PARD3B: variants seen among roughly 807,000 people sequenced by gnomAD.
PARD3B encodes par-3 family cell polarity regulator beta.
Under a neutral mutation model 130.2 loss-of-function variants are expected in PARD3B, and 103 were observed. The ratio of observed to expected loss-of-function variants is 0.79; its 90% CI spans 0.67 to 0.93. PARD3B has a LOEUF of 0.93. PARD3B is among the 40% of genes least tolerant of loss of function. The probability of loss-of-function intolerance (pLI) is 0.00; values close to 1 mark genes in which losing one functional copy is unlikely to be tolerated. For synonymous variants in PARD3B, 583 were observed against 553.2 expected, an observed-to-expected ratio of 1.05 and a Z score of -0.76; for missense variants, 1,609 against 1,499.2, an observed-to-expected ratio of 1.07 and a Z score of -1.21.
At chr2:204,960,264 C>T (rs1271485161) in intron 2 of PARD3B, among the ~76,000 whole-genome samples, 1 of 152,094 alleles carries the variant, frequency 6.6e-6, no homozygotes, top group Admixed American at 6.5e-5. Flanking sequence ...TGAGGGAGTG[C>T]CTGGGACAGA....
chr2:204,804,164 G>A (rs1167188537), intron 2 of PARD3B, among the ~76,000 whole-genome samples: 2 of 152,172 alleles, frequency 1.3e-5, no homozygotes, highest in Admixed American at 6.5e-5. Flanking sequence ...ATGAGGTGGA[G>A]GTTGCAGTGA....
In PARD3B at chr2:205,121,707, G is replaced by A. The variant is rs2030747662; in HGVS notation, c.923G>A (p.Gly308Asp). ...GTCATTGGCTCTCTTAACATTTTTG[G>A]TAATAATGATGGCGTTTTGAAAACC... ...KSVIGSLNIF[G>D]NNDGVLKTKV... The change falls in exon 8 of 23, where the codon GGT becomes GAT. Residue 308 changes from glycine (G) to aspartate (D), a missense_variant. By Grantham distance (94) the Gly-to-Asp change is moderately conservative. Coordinates refer to ENST00000406610, the MANE Select transcript of PARD3B (RefSeq NM_001302769.2). The surrounding 1 kb of genome is among the most constrained non-coding windows in gnomAD (Gnocchi z 5.0). 2 of 1,614,118 alleles carry A rather than the reference G, an allele frequency of 1.2e-6. No homozygotes were observed. The highest frequency in any genetic ancestry group is 1.6e-4 in the Middle Eastern group (1 of 6,062).
In PARD3B at chr2:205,116,838, A is replaced by T. The variant is rs1033305871; in HGVS notation, c.681-2083A>T. 6.6e-6 allele frequency among the ~76,000 whole-genome samples: 1 copy of T among 152,192 alleles called. No individual in the cohort carries two copies. Among genetic ancestry groups the T allele is most frequent in the African/African-American group, 2.4e-5 (1 of 41,450 alleles). On this transcript the variant is annotated intron_variant, in intron 6 of 22. Coordinates refer to ENST00000406610, the MANE Select transcript of PARD3B (RefSeq NM_001302769.2). This position sits in a 1 kb window ranked among gnomAD's most constrained non-coding sequence, Gnocchi z 4.5. ...ACACATGGGTTTTACAGTTGGGCTTATTCTGTCAATAAATTTTTCATGGAA... is the reference window on the plus strand; with the variant it reads ...ACACATGGGTTTTACAGTTGGGCTTTTTCTGTCAATAAATTTTTCATGGAA...
At chr2:204,953,444 G>C (rs1689971971) in intron 2 of PARD3B, among the ~76,000 whole-genome samples, 1 of 151,122 alleles carries the variant, frequency 6.6e-6, no homozygotes, top group Non-Finnish European at 1.5e-5. Flanking sequence ...GAGAGAGAGA[G>C]AGAGAGAGAG....
At chr2:205,266,061 AG>A (rs1383011892) in intron 16 of PARD3B, among the ~76,000 whole-genome samples, 1 of 152,100 alleles carries the variant, frequency 6.6e-6, no homozygotes, top group Non-Finnish European at 1.5e-5. Flanking sequence ...ATCCTTGAAA[AG>A]ACATAGCTTC....
intron 2 of PARD3B, among the ~76,000 whole-genome samples, chr2:204,777,532 G>T (rs1324841568): frequency 2.0e-5 from 3 of 152,292 alleles, no homozygotes; most frequent in Non-Finnish European, 4.4e-5. Flanking sequence ...ACTTTGGGAG[G>T]CTGGGGCAGG....
Position 205,121,572 on chromosome 2 carries a change from T to G in PARD3B, c.807-19T>G, listed in dbSNP as rs763436691. The stretch of plus-strand genomic sequence containing the variant: ...ACCTCAAAGCAGGGTCATCATACAT[T>G]TATCAACTTTCTTTCCAGGGCTCAA... On this transcript the variant is annotated intron_variant, in intron 7 of 22. Coordinates refer to ENST00000406610, the MANE Select transcript of PARD3B (RefSeq NM_001302769.2). The surrounding 1 kb of genome is among the most constrained non-coding windows in gnomAD (Gnocchi z 5.0). 2 of 1,603,906 alleles carry G rather than the reference T, an allele frequency of 1.2e-6. No individual in the cohort carries two copies. The highest frequency in any genetic ancestry group is 1.1e-5 in the South Asian group (1 of 90,346).
chr2:205,555,996 T>G (rs2052865803), intron 22 of PARD3B, among the ~76,000 whole-genome samples: 1 of 152,142 alleles, frequency 6.6e-6, no homozygotes, highest in Admixed American at 6.5e-5. Context: ...CTGCTCTGAG[T>G]GCCAGTGACA....
intron 18 of PARD3B, among the ~76,000 whole-genome samples, chr2:205,367,856 G>A (rs1039831897): frequency 1.3e-5 from 2 of 152,172 alleles, no homozygotes; most frequent in African/African-American, 4.8e-5. Flanking sequence ...TTGAGTTTAT[G>A]TGGTTAAGTC....
chr2:205,580,814 A>C (rs1412641889), intron 22 of PARD3B, among the ~76,000 whole-genome samples: 1 of 152,190 alleles, frequency 6.6e-6, no homozygotes, highest in Non-Finnish European at 1.5e-5. Flanking sequence ...GGCACGAGAC[A>C]CTAAAATGCC....
Position 205,036,882 on chromosome 2 carries a change from G to A in PARD3B, c.395-10699G>A, listed in dbSNP as rs148777536. Among the ~76,000 whole-genome samples the A allele has an allele frequency of 8.5e-3, 1,267 of 148,758 alleles. 11 individuals carry two copies. Among genetic ancestry groups the A allele is most frequent in the Non-Finnish European group, 0.011 (714 of 67,212 alleles). The stretch of plus-strand genomic sequence containing the variant: ...TGTATATGTAAAGAACATATGTAGC[G>A]GACTGTATATATAAAGAACATATAT... On this transcript the variant is annotated intron_variant, in intron 3 of 22. Coordinates refer to ENST00000406610, the MANE Select transcript of PARD3B (RefSeq NM_001302769.2).
intron 1 of PARD3B, among the ~76,000 whole-genome samples, chr2:204,575,006 A>G (rs181216387): frequency 1.0e-3 from 152 of 146,202 alleles, no homozygotes; most frequent in Non-Finnish European, 1.0e-3. Flanking sequence ...TGGGTTTTTT[A>G]TTGATTCATT....
chr2:205,605,831 C>T (rs2054974279), intron 22 of PARD3B, among the ~76,000 whole-genome samples: 2 of 152,198 alleles, frequency 1.3e-5, no homozygotes, highest in African/African-American at 2.4e-5. Flanking sequence ...CCGGATTCCT[C>T]AGAGCCAGCA....
At chr2:205,151,232 T>C (rs1267763820) in intron 10 of PARD3B, among the ~76,000 whole-genome samples, 1 of 152,214 alleles carries the variant, frequency 6.6e-6, no homozygotes, top group Non-Finnish European at 1.5e-5. Context: ...GAAGAATGTG[T>C]ATTCTGTTGA....
Position 205,401,080 on chromosome 2 carries a change from C to G in PARD3B, c.2698C>G (p.Leu900Val). The change falls in exon 19 of 23, where the codon CTG (leucine) becomes GTG (valine). Residue 900 changes from leucine to valine, a missense_variant. Transcript: ENST00000406610. Reference sequence around the variant, plus strand: ...GAAAGGTACTCTGAAACATGGTGGCCTGAGAGAAGAAGAGCTGGAGAAAAT... The same window carrying G: ...GAAAGGTACTCTGAAACATGGTGGCGTGAGAGAAGAAGAGCTGGAGAAAAT... ...EQKGTLKHGGLREEELEKMKE... is the reference protein window; with the variant it reads ...EQKGTLKHGGVREEELEKMKE... 2 of 1,602,782 alleles carry G rather than the reference C, an allele frequency of 1.2e-6. No individual in the cohort carries two copies. The highest frequency in any genetic ancestry group is 1.3e-5 in the African/African-American group (1 of 74,916).
At chr2:204,581,650 T>C (rs1369746489) in intron 1 of PARD3B, among the ~76,000 whole-genome samples, 1 of 152,190 alleles carries the variant, frequency 6.6e-6, no homozygotes, top group Non-Finnish European at 1.5e-5. Flanking sequence ...GTTGACCATA[T>C]ATACCATACC....
intron 22 of PARD3B, among the ~76,000 whole-genome samples, chr2:205,556,960 C>A (rs1404050349): frequency 6.6e-6 from 1 of 152,154 alleles, no homozygotes; most frequent in Non-Finnish European, 1.5e-5. Flanking sequence ...TGTGGTCAGT[C>A]CCTTCAGCAC....
intron 19 of PARD3B, among the ~76,000 whole-genome samples, chr2:205,417,690 A>G (rs530979697): frequency 6.6e-6 from 1 of 152,298 alleles, no homozygotes; most frequent in Non-Finnish European, 1.5e-5. Flanking sequence ...TCTCATCCTC[A>G]TGGCCCCCAG....
intron 15 of PARD3B, among the ~76,000 whole-genome samples, chr2:205,193,651 G>T (rs867138070): frequency 1.3e-5 from 2 of 152,136 alleles, no homozygotes; most frequent in African/African-American, 4.8e-5. Flanking sequence ...TTGCACCCTC[G>T]CTTCTGCCAG....
Sources: allele counts gnomAD v4.1 joint callset (sites outside exome capture counted in the v4.1 genomes callset), GRCh38; gene constraint gnomAD v4.1.1; non-coding constraint Gnocchi (gnomAD v3.1); transcripts MANE v1.5; gene names NCBI Gene and HGNC (gene_info 2026-07-23, HGNC 2026-07-21).